The following FAM169A variants were observed in gnomAD, a reference collection of about 807,000 sequenced individuals.
FAM169A encodes the protein soluble lamin-associated protein of 75 kDa.
A neutral mutation model predicts 75.7 loss-of-function variants in FAM169A; 24 were observed. That is an observed-to-expected ratio of 0.32 (90% confidence interval 0.23 to 0.45). The LOEUF (loss-of-function observed/expected upper bound fraction) is 0.45. Among genes scored for constraint, FAM169A ranks in the 20% least tolerant of loss-of-function variants. The pLI is 1.00. For missense variants in FAM169A, 673 were observed against 784.0 expected, an observed-to-expected ratio of 0.86 and a Z score of 1.69; for synonymous variants, 271 against 271.0, an observed-to-expected ratio of 1.00 and a Z score of 0.00.
chr5:74,859,583 C>A (rs908032228), intron 1 of FAM169A, among the ~76,000 whole-genome samples: 6 of 152,074 alleles, frequency 3.9e-5, no homozygotes, highest in Admixed American at 3.9e-4. Context: ...CCACCACGCC[C>A]GGCGAAGGTT....
chr5:74,781,396 C>A lies in FAM169A; in HGVS notation c.*64G>T. 6.8e-7 allele frequency: 1 copy of A among 1,476,996 alleles called. No individual in the cohort carries two copies. The highest frequency in any genetic ancestry group is 9.2e-7 in the Non-Finnish European group (1 of 1,084,662). The allele number at this position is 1,476,996 out of a possible 1,614,324, so 91.5% of individuals were successfully genotyped here. ...TGTGCCCCATGCTGTTTATTAATTA[C>A]CATATTTTAAAAACAACAACTATGT... On this transcript the variant is annotated 3_prime_UTR_variant, in exon 13 of 13. Coordinates refer to ENST00000687041, the MANE Select transcript of FAM169A (RefSeq NM_001376049.1).
intron 1 of FAM169A, among the ~76,000 whole-genome samples, chr5:74,850,374 T>C (rs1749379337): frequency 6.6e-6 from 1 of 152,226 alleles, no homozygotes; most frequent in Non-Finnish European, 1.5e-5. Flanking sequence ...GTGTTCCAAG[T>C]ATTCTTTCCA....
chr5:74,849,049 GAC>G (rs1749306134), intron 1 of FAM169A, among the ~76,000 whole-genome samples: 1 of 152,116 alleles, frequency 6.6e-6, no homozygotes, highest in Admixed American at 6.6e-5. Context: ...TCAAAAAACT[GAC>G]ACAGAATGGA....
At chr5:74,798,122 T>G (rs1746373220) in intron 10 of FAM169A, among the ~76,000 whole-genome samples, 2 of 151,708 alleles carry the variant, frequency 1.3e-5, no homozygotes, top group African/African-American at 2.4e-5. Context: ...TCCCCTCAAT[T>G]AGAATCCAAC....
chr5:74,854,400 T>C (rs957806343), intron 1 of FAM169A, among the ~76,000 whole-genome samples: 2 of 72,028 alleles, frequency 2.8e-5, no homozygotes, highest in African/African-American at 2.7e-4. Context: ...ATCTCAAAAA[T>C]AATAATAATA....
At chr5:74,841,743 A>G (rs1748877028) in intron 1 of FAM169A, 64 bp from the exon 2 acceptor site, 1 of 1,389,184 alleles carries the variant, frequency 7.2e-7, no homozygotes. Context: ...TTACTCACAG[A>G]AAATAAATTT....
chr5:74,797,960 A>T (rs72764666), intron 10 of FAM169A, among the ~76,000 whole-genome samples: 50,406 of 152,162 alleles, frequency 0.33, 10,493 homozygotes, highest in African/African-American at 0.59. Flanking sequence ...TGTCTTACAA[A>T]AAAATTTTAT....
At chr5:74,814,168 T>C (rs1747352315) in intron 5 of FAM169A, 149 bp from the exon 6 acceptor site, 2 of 529,798 alleles carry the variant, frequency 3.8e-6, no homozygotes, top group African/African-American at 3.9e-5. Context: ...AAAGTGTTTT[T>C]CAGCTACTAT....
chr5:74,805,088 G>T, intron 7 of FAM169A, 68 bp downstream of exon 7: 1 of 1,382,196 alleles, frequency 7.2e-7, no homozygotes, highest in Non-Finnish European at 1.0e-6. Context: ...CTGGACTTAT[G>T]GGCCAGCAAG....
At position 74,781,957 on chromosome 5, in the gene FAM169A, C is replaced by T; in HGVS notation, c.1516G>A (p.Glu506Lys). Residue 506 changes from glutamate (E) to lysine (K), a missense_variant, in exon 13 of 13, where the codon GAA becomes AAA. Coordinates refer to ENST00000687041, the MANE Select transcript of FAM169A (RefSeq NM_001376049.1). ...AATTTCTCTTCCATGTGCCCCTTTT[C>T]ATCAGATGTGCCTTCATCCATCAAC... Reference protein sequence around the residue: ...EMLMDEGTSDEKGHMEEKLSL... With the variant: ...EMLMDEGTSDKKGHMEEKLSL... The T allele has an allele frequency of 6.2e-7, 1 of 1,614,060 alleles. No individual in the cohort carries two copies. Among genetic ancestry groups the T allele is most frequent in the Admixed American group, 1.7e-5 (1 of 60,014 alleles).
intron 5 of FAM169A, among the ~76,000 whole-genome samples, chr5:74,818,889 G>C (rs1432057682): frequency 4.6e-5 from 7 of 151,130 alleles, no homozygotes; most frequent in Non-Finnish European, 1.0e-4. Flanking sequence ...ATCACAATAA[G>C]GCTGGGAAAA....
At chr5:74,782,057 A>G (rs771579571) in intron 12 of FAM169A, 49 bp from the exon 13 acceptor site, 1 of 1,421,812 alleles carries the variant, frequency 7.0e-7, no homozygotes, top group South Asian at 1.3e-5. Context: ...TACAGTTCTA[A>G]AAATAAATTC....
At chr5:74,831,843 C>T (rs554447235) in intron 5 of FAM169A, among the ~76,000 whole-genome samples, 1 of 152,146 alleles carries the variant, frequency 6.6e-6, no homozygotes, top group African/African-American at 2.4e-5. Context: ...GCCATCATAA[C>T]TAAAAACATT....
intron 5 of FAM169A, among the ~76,000 whole-genome samples, chr5:74,824,639 T>C (rs936096746): frequency 2.6e-4 from 39 of 150,380 alleles, no homozygotes; most frequent in African/African-American, 9.3e-4. Context: ...TTGTTTAGAA[T>C]ACAATAGTCA....
intron 1 of FAM169A, among the ~76,000 whole-genome samples, chr5:74,847,348 A>C (rs746395566): frequency 3.8e-4 from 57 of 149,798 alleles, no homozygotes; most frequent in Non-Finnish European, 5.6e-4. Context: ...TACGAATTGG[A>C]CTATTCTAGG....
At chr5:74,816,048 C>A (rs1260112538) in intron 5 of FAM169A, among the ~76,000 whole-genome samples, 1 of 152,172 alleles carries the variant, frequency 6.6e-6, no homozygotes, top group Non-Finnish European at 1.5e-5. Flanking sequence ...GCCCTGAATT[C>A]TTTCTTGTGC....
At chr5:74,809,792 A>C (rs1467154467) in intron 6 of FAM169A, among the ~76,000 whole-genome samples, 2 of 152,232 alleles carry the variant, frequency 1.3e-5, no homozygotes, top group African/African-American at 4.8e-5. Context: ...AGTGCTTTCC[A>C]CTTACTACTA....
In FAM169A at chr5:74,847,733, T is replaced by C. The variant is rs113687329; in HGVS notation, c.-3-6054A>G. ...CACACTACTACAGATCAAAGGCAAG[T>C]AGAATATCACTAAAGTGTGAAAACA... On this transcript the variant is annotated intron_variant, in intron 1 of 12. Transcript: ENST00000687041. 1.8e-3 allele frequency among the ~76,000 whole-genome samples: 280 copies of C among 152,358 alleles called. 2 individuals carry two copies. Among genetic ancestry groups the C allele is most frequent in the African/African-American group, 6.3e-3 (261 of 41,588 alleles).
chr5:74,788,003 G>C (rs1338609895), intron 11 of FAM169A, among the ~76,000 whole-genome samples: 1 of 152,170 alleles, frequency 6.6e-6, no homozygotes, highest in Non-Finnish European at 1.5e-5. Context: ...AATTTATGCT[G>C]TGAGTCTTTC....
Sources: gnomAD v4.1 joint callset for allele counts (sites outside exome capture counted in the v4.1 genomes callset) on GRCh38, gnomAD v4.1.1 for gene constraint, MANE v1.5 for transcripts, NCBI Gene and HGNC (gene_info 2026-07-23, HGNC 2026-07-21) for gene names.